Variants in WDPCP observed in about 807,000 individuals in gnomAD.
WDPCP encodes WD repeat-containing and planar cell polarity effector protein fritz homolog.
WDPCP carries 71 observed loss-of-function variants against 93.1 expected under a neutral mutation model. The ratio of observed to expected loss-of-function variants is 0.76; its 90% CI spans 0.63 to 0.93. The LOEUF (loss-of-function observed/expected upper bound fraction) is 0.93, where lower values mean the gene tolerates loss of function less well. Ranked by LOEUF, WDPCP falls within the 40% of genes least tolerant of loss-of-function variation. The probability of loss-of-function intolerance (pLI) is 0.00; values close to 1 mark genes in which losing one functional copy is unlikely to be tolerated. For missense variants in WDPCP, 844 were observed against 887.4 expected, an observed-to-expected ratio of 0.95 and a Z score of 0.62; for synonymous variants, 315 against 315.0, an observed-to-expected ratio of 1.00 and a Z score of 0.00.
At chr2:63,398,193 C>T (rs1693886995) in intron 10 of WDPCP, among the ~76,000 whole-genome samples, 1 of 152,028 alleles carries the variant, frequency 6.6e-6, no homozygotes, top group South Asian at 2.1e-4. Flanking sequence ...AGGTGAGATG[C>T]TCTGTTGAGA....
intron 2 of WDPCP, among the ~76,000 whole-genome samples, chr2:63,659,956 C>T (rs1710208462): frequency 6.6e-6 from 1 of 152,014 alleles, no homozygotes; most frequent in South Asian, 2.1e-4. Flanking sequence ...AAAGATACAA[C>T]TCTGGCCACA....
chr2:63,203,549 A>AT (rs1319956505), intron 14 of WDPCP, among the ~76,000 whole-genome samples: 1 of 151,908 alleles, frequency 6.6e-6, no homozygotes, highest in Non-Finnish European at 1.5e-5. Context: ...ATGTACAACT[A>AT]TTTTTTACCA....
intron 12 of WDPCP, among the ~76,000 whole-genome samples, chr2:63,336,275 T>C (rs946828234): frequency 6.6e-6 from 1 of 152,178 alleles, no homozygotes; most frequent in Non-Finnish European, 1.5e-5. Flanking sequence ...GTGGACTCTC[T>C]GGAATTTTCA....
chr2:63,698,394 T>G (rs1249066075), intron 2 of WDPCP, among the ~76,000 whole-genome samples: 1 of 152,216 alleles, frequency 6.6e-6, no homozygotes, highest in East Asian at 1.9e-4. Flanking sequence ...CCAACTGATT[T>G]GCCTCAGAGG....
At position 63,316,800 on chromosome 2, in the gene WDPCP, C is replaced by T. The variant is rs372411620; in HGVS notation, c.1749-3489G>A. Among the ~76,000 whole-genome samples, 8 of 152,202 alleles carry T rather than the reference C, an allele frequency of 5.3e-5. No homozygotes were observed. In the East Asian group the frequency reaches 1.5e-3, roughly 29 times the overall value. On this transcript the variant is annotated intron_variant, in intron 12 of 17. Coordinates refer to ENST00000272321, the MANE Select transcript of WDPCP (RefSeq NM_015910.7). Reference sequence around the variant, plus strand: ...ATAAGATTCTATACCTACAAAATCCCATAGTCTCTGCCCAAAGACTCCTAG... The same window carrying T: ...ATAAGATTCTATACCTACAAAATCCTATAGTCTCTGCCCAAAGACTCCTAG...
At chr2:63,798,379 A>T (rs1051590791) in intron 2 of WDPCP, among the ~76,000 whole-genome samples, 3 of 152,212 alleles carry the variant, frequency 2.0e-5, no homozygotes, top group African/African-American at 7.2e-5. Flanking sequence ...ACATAGTATG[A>T]TAAAATATAA....
chr2:63,679,362 A>G (rs1053252568), intron 2 of WDPCP, among the ~76,000 whole-genome samples: 1 of 152,132 alleles, frequency 6.6e-6, no homozygotes, highest in African/African-American at 2.4e-5. Context: ...TGACTACACT[A>G]TGAACATGAC....
At chr2:63,209,846 A>T (rs1456166486) in intron 14 of WDPCP, among the ~76,000 whole-genome samples, 1 of 152,226 alleles carries the variant, frequency 6.6e-6, no homozygotes, top group African/African-American at 2.4e-5. Context: ...CAGTCAACGT[A>T]TACTGACATA....
At chr2:63,548,911 C>A (rs1204255655) in intron 1 of WDPCP, among the ~76,000 whole-genome samples, 1 of 152,038 alleles carries the variant, frequency 6.6e-6, no homozygotes, top group Non-Finnish European at 1.5e-5. Context: ...AAGAAACATA[C>A]CGGCAGAAAA....
chr2:63,630,942 G>A (rs1404746995), intron 3 of WDPCP, among the ~76,000 whole-genome samples: 1 of 152,148 alleles, frequency 6.6e-6, no homozygotes, highest in Non-Finnish European at 1.5e-5. Context: ...ACAATGGAAA[G>A]ACAATAGGAA....
At chr2:63,703,615 A>G (rs149953783) in intron 2 of WDPCP, among the ~76,000 whole-genome samples, 2,565 of 151,550 alleles carry the variant, frequency 0.017, 23 homozygotes, top group African/African-American at 0.018. Flanking sequence ...ACAGAGTCTC[A>G]CTCTGTTCTG....
In WDPCP at chr2:63,153,491, T is replaced by C. The variant is rs755498045; in HGVS notation, c.2158+4A>G. 3 of 1,608,168 alleles carry C rather than the reference T, an allele frequency of 1.9e-6. No homozygotes were observed. Among genetic ancestry groups the C allele is most frequent in the Non-Finnish European group, 2.6e-6 (3 of 1,175,186 alleles). ...GAATACTTGGGTGTCTTGAATACCA[T>C]TACCTTCTGCATTACAGGTATTAGT... On this transcript the variant is annotated splice_donor_region_variant and intron_variant, in intron 16 of 17. Transcript: ENST00000272321.
At chr2:63,804,231 G>A (rs975456309) in intron 2 of WDPCP, among the ~76,000 whole-genome samples, 1 of 151,096 alleles carries the variant, frequency 6.6e-6, no homozygotes, top group Admixed American at 6.6e-5. Flanking sequence ...GAAATGCCCT[G>A]AAGAACAAAC....
chr2:63,387,260 A>C (rs913262667), intron 10 of WDPCP, among the ~76,000 whole-genome samples: 2 of 152,170 alleles, frequency 1.3e-5, no homozygotes, highest in African/African-American at 4.8e-5. Flanking sequence ...GAAATCCAGC[A>C]GCACATCAAA....
chr2:63,235,889 G>A (rs1448123379), intron 14 of WDPCP, among the ~76,000 whole-genome samples: 8 of 152,014 alleles, frequency 5.3e-5, no homozygotes, highest in African/African-American at 1.4e-4. Context: ...AGCCAACATC[G>A]TACTGCGTGG....
chr2:63,201,184 C>T (rs974724883), intron 14 of WDPCP, among the ~76,000 whole-genome samples: 4 of 152,136 alleles, frequency 2.6e-5, no homozygotes, highest in East Asian at 1.9e-4. Context: ...CACTCTCTTC[C>T]TCCTGCTCCA....
chr2:63,278,458 CA>C (rs1683250779), intron 13 of WDPCP, among the ~76,000 whole-genome samples: 1 of 151,876 alleles, frequency 6.6e-6, no homozygotes, highest in African/African-American at 2.4e-5. Flanking sequence ...AAAAAAAATA[CA>C]AAAGATAAAT....
chr2:63,236,522 C>T (rs370939346), intron 14 of WDPCP, among the ~76,000 whole-genome samples: 8 of 152,254 alleles, frequency 5.3e-5, no homozygotes, highest in African/African-American at 1.9e-4. Flanking sequence ...ATAGCCATAG[C>T]AATCCTAAGC....
chr2:63,622,241 C>A lies in WDPCP; in HGVS notation n.488+28418G>T, dbSNP rs565426536. On this transcript the variant is annotated intron_variant and non_coding_transcript_variant, in intron 3 of 4. Coordinates refer to the WDPCP transcript ENST00000467687. ...CCTTGCTGGCGAGGTCCTTGGCCTT[C>A]TCTGTAGCTGCCAGTGCCGTCTCCT... 57 of 1,610,946 alleles carry A rather than the reference C, an allele frequency of 3.5e-5. No homozygotes were observed. In the South Asian group the frequency reaches 5.9e-4, roughly 17 times the overall value.
Sources: allele counts gnomAD v4.1 joint callset (sites outside exome capture counted in the v4.1 genomes callset), GRCh38; gene constraint gnomAD v4.1.1; transcripts MANE v1.5; gene names NCBI Gene and HGNC (gene_info 2026-07-23, HGNC 2026-07-21).